Variants in LGSN observed in about 807,000 individuals in gnomAD.
LGSN encodes the protein lengsin, lens protein with glutamine synthetase domain, also known as lengsin.
A neutral mutation model predicts 19.5 loss-of-function variants in LGSN; 21 were observed. The observed-to-expected ratio is 1.07, with a 90% confidence interval of 0.76 to 1.55. The LOEUF (loss-of-function observed/expected upper bound fraction) is 1.55, where lower values mean the gene tolerates loss of function less well. Among genes scored for constraint, LGSN ranks in the 40% most tolerant of loss-of-function variants. LGSN has a pLI of 0.00. For missense variants in LGSN, 673 were observed against 608.5 expected (o/e 1.11, Z -1.12); for synonymous variants, 257 against 215.6 (o/e 1.19, Z -1.68).
At chr6:63,479,627 C>T in the LGSN span, among the ~76,000 whole-genome samples, 1 of 152,124 alleles carries the variant, frequency 6.6e-6, no homozygotes, top group Non-Finnish European at 1.5e-5. Flanking sequence ...GTAGTCCCAA[C>T]TACTCAGGAG....
the LGSN span, among the ~76,000 whole-genome samples, chr6:63,518,900 G>GA: frequency 6.6e-5 from 10 of 151,698 alleles, no homozygotes; most frequent in South Asian, 6.2e-4. Flanking sequence ...TCAGATTTTA[G>GA]AAAAAAAAGC....
upstream of LGSN, among the ~76,000 whole-genome samples, chr6:63,320,175 C>T (rs1002334166): frequency 1.3e-5 from 2 of 152,132 alleles, no homozygotes; most frequent in Admixed American, 6.5e-5. Flanking sequence ...TGCTTGTTTA[C>T]GCCTGACTCC....
At chr6:63,312,884 TC>T (rs1292000720) in intron 1 of LGSN, among the ~76,000 whole-genome samples, 1 of 152,122 alleles carries the variant, frequency 6.6e-6, no homozygotes, top group Non-Finnish European at 1.5e-5. Flanking sequence ...CAACCACATT[TC>T]TGACTAGGAA....
chr6:63,534,819 T>TCTTTAGTAAAGAATTTCATAAAGAATTC, the LGSN span, among the ~76,000 whole-genome samples: 1 of 152,032 alleles, frequency 6.6e-6, no homozygotes, highest in Non-Finnish European at 1.5e-5. Context: ...ATAAAGAATT[T>TCTTTAGTAAAGAATTTCATAAAGAATTC]CTTTACTAAA....
At chr6:63,300,970 G>A (rs1768157022) in intron 1 of LGSN, among the ~76,000 whole-genome samples, 1 of 152,158 alleles carries the variant, frequency 6.6e-6, no homozygotes. Flanking sequence ...TAAAATTTAA[G>A]TTAATATATG....
the LGSN span, among the ~76,000 whole-genome samples, chr6:63,363,435 G>C: frequency 6.6e-6 from 1 of 152,122 alleles, no homozygotes; most frequent in Non-Finnish European, 1.5e-5. Context: ...CCATCGCAAA[G>C]AAGATAAAAA....
At chr6:63,507,894 A>G in the LGSN span, among the ~76,000 whole-genome samples, 2 of 152,212 alleles carry the variant, frequency 1.3e-5, no homozygotes, top group Non-Finnish European at 2.9e-5. Flanking sequence ...TTGATCTACT[A>G]GAGCAAAAAC....
chr6:63,331,210 C>G, the LGSN span, among the ~76,000 whole-genome samples: 2 of 152,146 alleles, frequency 1.3e-5, no homozygotes, highest in South Asian at 4.1e-4. Flanking sequence ...GAGAGGTCCT[C>G]CTCTGGGATG....
chr6:63,426,015 A>T, the LGSN span, among the ~76,000 whole-genome samples: 5 of 152,134 alleles, frequency 3.3e-5, no homozygotes, highest in Non-Finnish European at 4.4e-5. Flanking sequence ...GGTAAATCTA[A>T]AATTACTCAA....
At chr6:63,287,768 T>C (rs192348915) in intron 2 of LGSN, among the ~76,000 whole-genome samples, 34 of 152,094 alleles carry the variant, frequency 2.2e-4, no homozygotes, top group African/African-American at 7.7e-4. Flanking sequence ...TAATAAGCAA[T>C]TATACATAGG....
chr6:63,307,279 A>G (rs1437348167), intron 1 of LGSN, among the ~76,000 whole-genome samples: 1 of 152,214 alleles, frequency 6.6e-6, no homozygotes, highest in East Asian at 1.9e-4. Flanking sequence ...AAGACTAATC[A>G]ACTAACCCAA....
chr6:63,563,258 A>T, the LGSN span, among the ~76,000 whole-genome samples: 1 of 152,112 alleles, frequency 6.6e-6, no homozygotes, highest in Admixed American at 6.5e-5. Flanking sequence ...ATAAATCCAA[A>T]TCCTTTCCAT....
At chr6:63,363,610 A>G in the LGSN span, among the ~76,000 whole-genome samples, 1 of 152,240 alleles carries the variant, frequency 6.6e-6, no homozygotes, top group South Asian at 2.1e-4. Context: ...GTGATTGAAG[A>G]TCAAATGAAT....
the LGSN span, among the ~76,000 whole-genome samples, chr6:63,415,964 A>G: frequency 6.6e-6 from 1 of 152,194 alleles, no homozygotes; most frequent in Non-Finnish European, 1.5e-5. Context: ...TTGATCTAAT[A>G]GATTAAATAA....
chr6:63,383,986 A>G, the LGSN span, among the ~76,000 whole-genome samples: 58 of 152,294 alleles, frequency 3.8e-4, no homozygotes, highest in African/African-American at 1.3e-3. Flanking sequence ...CTAACTTGAC[A>G]TTCTAAAAGG....
chr6:63,448,263 G>T, the LGSN span, among the ~76,000 whole-genome samples: 10 of 152,148 alleles, frequency 6.6e-5, no homozygotes, highest in Middle Eastern at 3.4e-3. Context: ...AACAAAAAAG[G>T]CTCACCATGT....
At chr6:63,407,489 C>T in the LGSN span, among the ~76,000 whole-genome samples, 1 of 152,156 alleles carries the variant, frequency 6.6e-6, no homozygotes, top group Non-Finnish European at 1.5e-5. Context: ...GCGCTTCATG[C>T]TAAAAACTCT....
At chr6:63,364,890 G>C in the LGSN span, among the ~76,000 whole-genome samples, 1 of 152,136 alleles carries the variant, frequency 6.6e-6, no homozygotes, top group Admixed American at 6.6e-5. Flanking sequence ...GAACCAATGA[G>C]AACAAAGACA....
the LGSN span, among the ~76,000 whole-genome samples, chr6:63,337,551 C>T: frequency 6.6e-6 from 1 of 151,812 alleles, no homozygotes; most frequent in African/African-American, 2.4e-5. Flanking sequence ...ACCTGTAATC[C>T]AGCACTTTAG....
Sources: gnomAD v4.1 joint callset for allele counts (sites outside exome capture counted in the v4.1 genomes callset) on GRCh38, gnomAD v4.1.1 for gene constraint, MANE v1.5 for transcripts, NCBI Gene and HGNC (gene_info 2026-07-23, HGNC 2026-07-21) for gene names.